The following DTWD2 variants were observed in gnomAD, a reference collection of about 807,000 sequenced individuals.
DTWD2 encodes the protein DTW motif tRNA-uridine aminocarboxypropyltransferase 2.
A neutral mutation model predicts 31.8 loss-of-function variants in DTWD2; 39 were observed. That is an observed-to-expected ratio of 1.22 (90% CI 0.95 to 1.60). The LOEUF (loss-of-function observed/expected upper bound fraction) is 1.60, where lower values mean the gene tolerates loss of function less well. DTWD2 is among the 40% of genes most tolerant of loss of function. The pLI, the probability that DTWD2 is intolerant of heterozygous loss-of-function variation, is 0.00. For synonymous variants in DTWD2, 180 were observed against 142.8 expected (o/e 1.26, Z -1.86); for missense variants, 515 against 381.5 (o/e 1.35, Z -2.92).
intron 4 of DTWD2, among the ~76,000 whole-genome samples, chr5:118,918,357 C>T (rs912009378): frequency 6.6e-6 from 1 of 150,590 alleles, no homozygotes; most frequent in Non-Finnish European, 1.5e-5. Context: ...GATGGAGTCT[C>T]GCTCTGTTGC....
In DTWD2 at chr5:118,867,694, A is replaced by C. The variant is rs1399407688; in HGVS notation, c.598-19476T>G. 3.9e-5 allele frequency among the ~76,000 whole-genome samples: 6 copies of C among 152,250 alleles called. No individual in the cohort carries two copies. In the East Asian group the frequency reaches 1.2e-3, roughly 29 times the overall value. ...TAAAATGTCTTAATTGATAGAAAAGAAAAATACACATGAACATGCAGTCAT... is the reference window on the plus strand; with the variant it reads ...TAAAATGTCTTAATTGATAGAAAAGCAAAATACACATGAACATGCAGTCAT... On this transcript the variant is annotated intron_variant, in intron 4 of 5. Coordinates refer to ENST00000510708, the MANE Select transcript of DTWD2 (RefSeq NM_173666.4).
chr5:118,948,575 G>A (rs769412909), intron 1 of DTWD2, among the ~76,000 whole-genome samples: 21 of 152,176 alleles, frequency 1.4e-4, no homozygotes, highest in Non-Finnish European at 2.9e-4. Context: ...GGATCAGAGA[G>A]ACACGGTCAT....
intron 4 of DTWD2, among the ~76,000 whole-genome samples, chr5:118,874,462 C>T (rs901123890): frequency 2.0e-5 from 3 of 152,136 alleles, no homozygotes; most frequent in African/African-American, 7.2e-5. Context: ...TAAAAATCAT[C>T]ATAACACAAT....
At chr5:118,914,325 G>T (rs965749204) in intron 4 of DTWD2, among the ~76,000 whole-genome samples, 4 of 152,096 alleles carry the variant, frequency 2.6e-5, no homozygotes, top group Non-Finnish European at 4.4e-5. Context: ...TTCACCAGTT[G>T]AGGACAAAGC....
rs539076216 is a variant in DTWD2 at position 118,855,335 on chromosome 5, A to C, written c.598-7117T>G. On this transcript the variant is annotated intron_variant, in intron 4 of 5. Transcript: ENST00000510708. ...AAAAAAGACAGTGTCTTGCAGAGGC[A>C]GTGTCTTGCAGGCAAGGGATATTTA... 2.0e-5 allele frequency among the ~76,000 whole-genome samples: 3 copies of C among 150,868 alleles called. No homozygotes were observed. In the South Asian group the frequency reaches 6.3e-4, roughly 32 times the overall value.
chr5:118,925,769 C>T (rs1437836488), intron 4 of DTWD2, among the ~76,000 whole-genome samples: 4 of 151,650 alleles, frequency 2.6e-5, no homozygotes, highest in Admixed American at 1.3e-4. Context: ...GGTGTGAACC[C>T]GGGAGGCGGA....
chr5:118,851,696 G>A (rs1424217889), intron 4 of DTWD2, among the ~76,000 whole-genome samples: 1 of 123,838 alleles, frequency 8.1e-6, no homozygotes, highest in Non-Finnish European at 1.7e-5. Context: ...TTGTGGGGTG[G>A]GGGGAGGGGG....
chr5:118,870,911 A>T (rs1752487156), intron 4 of DTWD2, among the ~76,000 whole-genome samples: 5 of 150,034 alleles, frequency 3.3e-5, no homozygotes, highest in Admixed American at 3.3e-4. Context: ...CTTATATAAT[A>T]TTCTAAATCT....
rs367835549 is a variant in DTWD2 at position 118,988,354 on chromosome 5, T to A, written c.158A>T (p.Asp53Val). ...CTCCACCGGCAGCTCCCACAGCCCG[T>A]CCGCACTGTCGTCGTCCGCCTCTGC... The part of the protein sequence containing the change: ...LGAEADDDSA[D>V]GLWELPVEPA... The change falls in exon 1 of 6, where the codon GAC becomes GTC. Residue 53 changes from aspartate to valine, a missense_variant. Asp to Val is a radical substitution (Grantham distance 152). Transcript: ENST00000510708. 2 of 1,562,624 alleles carry A rather than the reference T, an allele frequency of 1.3e-6. No individual in the cohort carries two copies. Among genetic ancestry groups the A allele is most frequent in the Non-Finnish European group, 8.6e-7 (1 of 1,156,582 alleles).
At position 118,952,281 on chromosome 5, in the gene DTWD2, A is replaced by G. The variant is rs545020955; in HGVS notation, c.219-7632T>C. Among the ~76,000 whole-genome samples, 8 of 152,280 alleles carry G rather than the reference A, an allele frequency of 5.3e-5. No individual in the cohort carries two copies. In the South Asian group the frequency reaches 1.7e-3, roughly 32 times the overall value. ...CACGGCACCAAATGTTTCGACACCA[A>G]ATGTCACGCGCGTCCGTGTGAAGAG... On this transcript the variant is annotated intron_variant, in intron 1 of 5. Coordinates refer to ENST00000510708, the MANE Select transcript of DTWD2 (RefSeq NM_173666.4).
At chr5:118,895,169 A>G (rs1580792149) in intron 4 of DTWD2, among the ~76,000 whole-genome samples, 1 of 152,188 alleles carries the variant, frequency 6.6e-6, no homozygotes, top group African/African-American at 2.4e-5. Context: ...AAGTTGCAAG[A>G]TGGGTACAAA....
At chr5:118,896,538 G>T (rs1430639535) in intron 4 of DTWD2, among the ~76,000 whole-genome samples, 1 of 151,536 alleles carries the variant, frequency 6.6e-6, no homozygotes, top group East Asian at 1.9e-4. Context: ...TAAAACCAGA[G>T]AAGGTATAGA....
rs369567483 is a variant in DTWD2 at position 118,940,368 on chromosome 5, C to A, written c.310-1078G>T. 4.6e-5 allele frequency among the ~76,000 whole-genome samples: 7 copies of A among 152,264 alleles called. No individual in the cohort carries two copies. The South Asian group carries it at 1.5e-3, about 32-fold the overall frequency. ...GACACAAACTTAATCAGTTTCTAAACCTTTATCAAAGTAATACATGTATAT... is the reference window on the plus strand; with the variant it reads ...GACACAAACTTAATCAGTTTCTAAAACTTTATCAAAGTAATACATGTATAT... On this transcript the variant is annotated intron_variant, in intron 2 of 5. Transcript: ENST00000510708.
At chr5:118,875,866 G>A (rs1304996752) in intron 4 of DTWD2, among the ~76,000 whole-genome samples, 9 of 151,412 alleles carry the variant, frequency 5.9e-5, no homozygotes, top group African/African-American at 1.5e-4. Flanking sequence ...CGGACCCAAC[G>A]GGTATCCACT....
chr5:118,896,369 T>C (rs950099756), intron 4 of DTWD2, among the ~76,000 whole-genome samples: 1 of 152,064 alleles, frequency 6.6e-6, no homozygotes, highest in Non-Finnish European at 1.5e-5. Flanking sequence ...CCTGTAATAC[T>C]ACATGTAGGT....
At chr5:118,888,608 T>A (rs937142003) in intron 4 of DTWD2, among the ~76,000 whole-genome samples, 1 of 152,256 alleles carries the variant, frequency 6.6e-6, no homozygotes, top group Admixed American at 6.5e-5. Flanking sequence ...TCATTTCTCT[T>A]GGTTAAATAT....
At chr5:118,950,081 A>G (rs1208761206) in intron 1 of DTWD2, among the ~76,000 whole-genome samples, 1 of 151,882 alleles carries the variant, frequency 6.6e-6, no homozygotes, top group Non-Finnish European at 1.5e-5. Context: ...ATGGTGGCGG[A>G]CGCCTGTCAT....
In DTWD2 at chr5:118,838,081, T is replaced by A. The variant is rs1751614267; in HGVS notation, c.*2836A>T. On this transcript the variant is annotated 3_prime_UTR_variant, in exon 6 of 6. Coordinates refer to ENST00000510708, the MANE Select transcript of DTWD2 (RefSeq NM_173666.4). ...CCCAATATAATTCTCCTATTCCACA[T>A]AAGTCTTATAATCCAACCTGTAGAA... 6.6e-6 allele frequency: 1 copy of A among 152,240 alleles called. No homozygotes were observed. The highest frequency in any genetic ancestry group is 2.1e-4 in the South Asian group (1 of 4,834). The allele number at this position is 152,240 out of a possible 1,614,324, so 9.4% of individuals were successfully genotyped here.
intron 1 of DTWD2, among the ~76,000 whole-genome samples, chr5:118,953,990 G>A (rs961736323): frequency 1.3e-5 from 2 of 152,158 alleles, no homozygotes; most frequent in African/African-American, 4.8e-5. Flanking sequence ...ATAATCCAAG[G>A]CAAGGCATGG....
Sources: allele counts gnomAD v4.1 joint callset (sites outside exome capture counted in the v4.1 genomes callset), GRCh38; gene constraint gnomAD v4.1.1; transcripts MANE v1.5; gene names NCBI Gene and HGNC (gene_info 2026-07-23, HGNC 2026-07-21).